The following NKAIN2 variants were observed in gnomAD, a reference collection of about 807,000 sequenced individuals.
NKAIN2 encodes sodium/potassium transporting ATPase interacting 2.
In NKAIN2, 14 loss-of-function variants were observed where a neutral mutation model predicts 32.6. That is an observed-to-expected ratio of 0.43 (90% CI 0.28 to 0.67). NKAIN2 has a LOEUF of 0.67. NKAIN2 is among the 30% of genes least tolerant of loss of function. NKAIN2 has a pLI of 0.17. For missense variants in NKAIN2, 198 were observed against 258.3 expected (o/e 0.77, Z 1.60); for synonymous variants, 80 against 87.2 (o/e 0.92, Z 0.46).
chr6:123,858,963 A>G (rs1238771515), intron 1 of NKAIN2, among the ~76,000 whole-genome samples: 4 of 152,180 alleles, frequency 2.6e-5, no homozygotes, highest in Non-Finnish European at 5.9e-5. Context: ...TCTTCTTTAT[A>G]AGCACATATA....
chr6:124,578,753 A>T (rs1781420506), intron 3 of NKAIN2, among the ~76,000 whole-genome samples: 1 of 152,096 alleles, frequency 6.6e-6, no homozygotes, highest in Admixed American at 6.5e-5. Flanking sequence ...GCCTTGGGTG[A>T]GACTCAGTGC....
At chr6:124,657,246 T>A (rs916053033) in intron 3 of NKAIN2, among the ~76,000 whole-genome samples, 1 of 152,222 alleles carries the variant, frequency 6.6e-6, no homozygotes, top group Non-Finnish European at 1.5e-5. Context: ...TGGCCATAAC[T>A]ATCACTGAAA....
At chr6:124,069,790 A>G (rs1441048541) in intron 1 of NKAIN2, among the ~76,000 whole-genome samples, 1 of 152,162 alleles carries the variant, frequency 6.6e-6, no homozygotes, top group African/African-American at 2.4e-5. Context: ...CTTGATGGCT[A>G]CTGGAGCTCA....
intron 3 of NKAIN2, among the ~76,000 whole-genome samples, chr6:124,596,224 G>C (rs1162741019): frequency 6.6e-6 from 1 of 152,168 alleles, no homozygotes; most frequent in Admixed American, 6.5e-5. Flanking sequence ...AAGGTACTTA[G>C]GGGGCATCAG....
At chr6:124,629,250 G>A (rs1417806093) in intron 3 of NKAIN2, among the ~76,000 whole-genome samples, 1 of 152,100 alleles carries the variant, frequency 6.6e-6, no homozygotes, top group Non-Finnish European at 1.5e-5. Flanking sequence ...CAGAGGTGAG[G>A]GGATTAGAAG....
At chr6:124,640,421 C>A (rs767984802) in intron 3 of NKAIN2, among the ~76,000 whole-genome samples, 66 of 152,136 alleles carry the variant, frequency 4.3e-4, no homozygotes, top group Non-Finnish European at 1.3e-4. Context: ...AAATACTTAA[C>A]CTGTTCATTG....
intron 1 of NKAIN2, among the ~76,000 whole-genome samples, chr6:124,104,806 G>A (rs1040263757): frequency 4.6e-5 from 7 of 152,108 alleles, no homozygotes; most frequent in Admixed American, 1.3e-4. Flanking sequence ...TAATAGCCAC[G>A]GGAGGTCACT....
intron 1 of NKAIN2, among the ~76,000 whole-genome samples, chr6:123,961,963 A>C (rs1777870395): frequency 6.6e-6 from 1 of 152,204 alleles, no homozygotes; most frequent in Admixed American, 6.5e-5. Context: ...GGAAACGGTA[A>C]TTAAAAAGAG....
At chr6:123,929,279 C>T (rs1479650599) in intron 1 of NKAIN2, among the ~76,000 whole-genome samples, 1 of 152,038 alleles carries the variant, frequency 6.6e-6, no homozygotes, top group African/African-American at 2.4e-5. Context: ...TAGAACAGGT[C>T]AGTTATAAAT....
At chr6:124,623,111 A>G (rs542526615) in intron 3 of NKAIN2, among the ~76,000 whole-genome samples, 1 of 152,086 alleles carries the variant, frequency 6.6e-6, no homozygotes, top group East Asian at 1.9e-4. Flanking sequence ...ATATGCAAAG[A>G]CCCTTTTTTC....
chr6:124,716,284 T>C (rs1225680402), intron 4 of NKAIN2, among the ~76,000 whole-genome samples: 1 of 152,222 alleles, frequency 6.6e-6, no homozygotes, highest in African/African-American at 2.4e-5. Flanking sequence ...CCACTTTAGC[T>C]TTTGAGTTTC....
chr6:124,431,301 A>G (rs765551207), intron 3 of NKAIN2, among the ~76,000 whole-genome samples: 1 of 152,096 alleles, frequency 6.6e-6, no homozygotes, highest in Non-Finnish European at 1.5e-5. Context: ...TAGACTTTCT[A>G]TTTATGCCTT....
intron 2 of NKAIN2, among the ~76,000 whole-genome samples, chr6:124,340,086 C>T (rs1583075088): frequency 6.6e-6 from 1 of 152,062 alleles, no homozygotes; most frequent in Non-Finnish European, 1.5e-5. Flanking sequence ...AAAACTGAGA[C>T]TTCCAAAACC....
At chr6:123,960,947 C>A (rs1777815816) in intron 1 of NKAIN2, among the ~76,000 whole-genome samples, 1 of 151,842 alleles carries the variant, frequency 6.6e-6, no homozygotes, top group Non-Finnish European at 1.5e-5. Flanking sequence ...ATATGTCTTC[C>A]ATTCTGATTC....
intron 3 of NKAIN2, among the ~76,000 whole-genome samples, chr6:124,489,728 A>G (rs1212922397): frequency 2.0e-5 from 3 of 151,898 alleles, no homozygotes; most frequent in Admixed American, 2.0e-4. Context: ...AAGTTGAAAA[A>G]TTATAAATTG....
At chr6:124,567,375 A>T (rs1780958596) in intron 3 of NKAIN2, among the ~76,000 whole-genome samples, 1 of 152,152 alleles carries the variant, frequency 6.6e-6, no homozygotes, top group African/African-American at 2.4e-5. Context: ...TTCAGTTACT[A>T]TTTCAAACAA....
intron 1 of NKAIN2, among the ~76,000 whole-genome samples, chr6:123,807,581 T>C (rs755081692): frequency 2.0e-5 from 3 of 152,126 alleles, no homozygotes; most frequent in Non-Finnish European, 4.4e-5. Context: ...TTTTCCCCAA[T>C]GTTTGATTGA....
chr6:124,632,247 T>A (rs1056727681), intron 3 of NKAIN2, among the ~76,000 whole-genome samples: 1 of 152,168 alleles, frequency 6.6e-6, no homozygotes, highest in African/African-American at 2.4e-5. Context: ...GGATCATCAA[T>A]ACACAGGAAA....
intron 4 of NKAIN2, among the ~76,000 whole-genome samples, chr6:124,701,960 G>A (rs1034220016): frequency 6.6e-6 from 1 of 152,018 alleles, no homozygotes; most frequent in Non-Finnish European, 1.5e-5. Flanking sequence ...GCTAACCTCT[G>A]GAACTACAGT....
Sources: gnomAD v4.1 joint callset for allele counts (sites outside exome capture counted in the v4.1 genomes callset) on GRCh38, gnomAD v4.1.1 for gene constraint, MANE v1.5 for transcripts, NCBI Gene and HGNC (gene_info 2026-07-23, HGNC 2026-07-21) for gene names.